Variants in ZBTB7C observed in about 807,000 individuals in gnomAD.
The protein encoded by ZBTB7C is zinc finger and BTB domain-containing protein 7C.
A neutral mutation model predicts 25.7 loss-of-function variants in ZBTB7C; 8 were observed. The ratio of observed to expected loss-of-function variants is 0.31; its 90% CI spans 0.18 to 0.56. The LOEUF is 0.56. ZBTB7C is among the 20% of genes least tolerant of loss of function. The pLI is 0.91. For missense variants in ZBTB7C, 824 were observed against 855.2 expected (o/e 0.96, Z 0.46); for synonymous variants, 394 against 369.0 (o/e 1.07, Z -0.78).
At chr18:48,214,713 G>A (rs1360289829) in intron 2 of ZBTB7C, among the ~76,000 whole-genome samples, 2 of 152,298 alleles carry the variant, frequency 1.3e-5, no homozygotes, top group Admixed American at 6.5e-5. Context: ...CCTGCATAAA[G>A]CCAAGAACCC....
At chr18:48,314,919 C>T (rs374496950) in intron 2 of ZBTB7C, among the ~76,000 whole-genome samples, 22 of 152,316 alleles carry the variant, frequency 1.4e-4, no homozygotes, top group African/African-American at 3.6e-4. Context: ...AGTCCTGAGC[C>T]GGCTGTTAAT....
chr18:48,085,230 G>A (rs1598849822), intron 3 of ZBTB7C, among the ~76,000 whole-genome samples: 1 of 152,116 alleles, frequency 6.6e-6, no homozygotes, highest in African/African-American at 2.4e-5. Context: ...CCTGAGAGCA[G>A]GCTTTGGAGG....
At chr18:48,399,480 A>G (rs2048109102) in intron 1 of ZBTB7C, among the ~76,000 whole-genome samples, 1 of 152,242 alleles carries the variant, frequency 6.6e-6, no homozygotes, top group South Asian at 2.1e-4. Context: ...GTCACCTGTT[A>G]GCTGCAGGAG....
In ZBTB7C at chr18:48,092,105, AG is replaced by A. The variant is rs140971403; in HGVS notation, c.-16-50983del. Among the ~76,000 whole-genome samples, 19 of 152,362 alleles carry A rather than the reference AG, an allele frequency of 1.2e-4. No individual in the cohort carries two copies. In the East Asian group the frequency reaches 3.5e-3, roughly 28 times the overall value. On this transcript the variant is annotated intron_variant, in intron 3 of 4. Transcript: ENST00000590800. ...TAATAAGGGCACCATCCACCCAATC[AG>A]CCCAAGTGCTTGTTTCTCCATAGTG...
At chr18:48,108,150 G>A (rs1211184195) in intron 3 of ZBTB7C, among the ~76,000 whole-genome samples, 2 of 152,130 alleles carry the variant, frequency 1.3e-5, no homozygotes, top group African/African-American at 4.8e-5. Flanking sequence ...TATTCTAATG[G>A]CCCTATTTTA....
chr18:48,275,012 C>T (rs540835723), intron 2 of ZBTB7C, among the ~76,000 whole-genome samples: 225 of 152,288 alleles, frequency 1.5e-3, no homozygotes, highest in African/African-American at 5.2e-3. Context: ...CTGGGGGCTT[C>T]GTCATCTCCA....
intron 2 of ZBTB7C, among the ~76,000 whole-genome samples, chr18:48,211,566 T>C (rs890812257): frequency 2.6e-5 from 4 of 152,178 alleles, no homozygotes; most frequent in Non-Finnish European, 4.4e-5. Flanking sequence ...CAGATGGTAA[T>C]TAAGCATATG....
chr18:48,162,534 A>G (rs2041099835), intron 3 of ZBTB7C: 1 of 405,968 alleles, frequency 2.5e-6, no homozygotes, highest in Non-Finnish European at 5.1e-6. Context: ...AGAGGGATGT[A>G]TTGGCTACAT....
intron 1 of ZBTB7C, among the ~76,000 whole-genome samples, chr18:48,342,588 G>T (rs922927427): frequency 3.3e-5 from 5 of 152,218 alleles, no homozygotes; most frequent in African/African-American, 1.2e-4. Context: ...TCGGCAGGAG[G>T]GACGGGAAAG....
At chr18:48,391,611 C>T (rs2047905284) in intron 1 of ZBTB7C, among the ~76,000 whole-genome samples, 1 of 152,022 alleles carries the variant, frequency 6.6e-6, no homozygotes, top group South Asian at 2.1e-4. Flanking sequence ...CAGCTGTTAA[C>T]AATCACTGCT....
intron 2 of ZBTB7C, among the ~76,000 whole-genome samples, chr18:48,286,805 A>G (rs1357734423): frequency 6.6e-6 from 1 of 152,078 alleles, no homozygotes; most frequent in Non-Finnish European, 1.5e-5. Context: ...TAATCCCAGT[A>G]CTTTGGGAGG....
chr18:48,270,247 C>CTCTT (rs1429181875), intron 2 of ZBTB7C, among the ~76,000 whole-genome samples: 6 of 145,574 alleles, frequency 4.1e-5, no homozygotes, highest in East Asian at 2.1e-4. Context: ...TTCTTTTTCT[C>CTCTT]TCTTTCTTTT....
chr18:48,141,328 G>A (rs994095034), intron 3 of ZBTB7C, among the ~76,000 whole-genome samples: 2 of 152,212 alleles, frequency 1.3e-5, no homozygotes, highest in East Asian at 3.9e-4. Context: ...CTTGATCAGA[G>A]GATTCATGCT....
At chr18:48,100,782 G>A (rs552740275) in intron 3 of ZBTB7C, among the ~76,000 whole-genome samples, 4 of 152,264 alleles carry the variant, frequency 2.6e-5, no homozygotes, top group African/African-American at 9.6e-5. Context: ...AATGGGGGAG[G>A]GGGAGGCAGG....
chr18:48,204,458 C>T (rs745315448), intron 2 of ZBTB7C, among the ~76,000 whole-genome samples: 7 of 152,132 alleles, frequency 4.6e-5, no homozygotes, highest in Non-Finnish European at 1.0e-4. Context: ...TTTATAATCT[C>T]GCTGGGAGAC....
At chr18:48,039,214 AAG>A (rs2036107276) in intron 4 of ZBTB7C, among the ~76,000 whole-genome samples, 1 of 152,232 alleles carries the variant, frequency 6.6e-6, no homozygotes. Context: ...AGAACATAAA[AAG>A]AGGCCCAGCC....
chr18:48,333,095 CTAAT>C (rs780086651), intron 2 of ZBTB7C, among the ~76,000 whole-genome samples: 1 of 151,906 alleles, frequency 6.6e-6, no homozygotes, highest in African/African-American at 2.4e-5. Flanking sequence ...AAATTAGAAA[CTAAT>C]TAAGGAGATG....
intron 2 of ZBTB7C, among the ~76,000 whole-genome samples, chr18:48,239,840 C>T (rs899504897): frequency 2.6e-5 from 4 of 151,954 alleles, no homozygotes; most frequent in African/African-American, 9.7e-5. Context: ...CACTAGCTCA[C>T]CAGCAATGGA....
chr18:48,164,895 G>C (rs551216800), intron 3 of ZBTB7C, among the ~76,000 whole-genome samples: 1 of 152,176 alleles, frequency 6.6e-6, no homozygotes, highest in East Asian at 1.9e-4. Flanking sequence ...CACCAAGTTG[G>C]GATTGTTGTT....
Sources: allele counts gnomAD v4.1 joint callset (sites outside exome capture counted in the v4.1 genomes callset), GRCh38; gene constraint gnomAD v4.1.1; transcripts MANE v1.5; gene names NCBI Gene and HGNC (gene_info 2026-07-23, HGNC 2026-07-21).